The following KIAA1549 variants were observed in gnomAD, a reference collection of about 807,000 sequenced individuals.
KIAA1549 encodes the protein UPF0606 protein KIAA1549.
KIAA1549 carries 70 observed loss-of-function variants against 156.4 expected under a neutral mutation model. The observed-to-expected ratio is 0.45, with a 90% confidence interval of 0.37 to 0.55. KIAA1549 has a LOEUF of 0.55. KIAA1549 is among the 20% of genes least tolerant of loss of function. The pLI is 0.00. For missense variants in KIAA1549, 2,428 were observed against 2,540.9 expected (o/e 0.96, Z 0.96); for synonymous variants, 1,103 against 1,066.4 (o/e 1.03, Z -0.67).
At chr7:138,976,557 T>A (rs999910764) in intron 1 of KIAA1549, among the ~76,000 whole-genome samples, 28 of 152,146 alleles carry the variant, frequency 1.8e-4, no homozygotes, top group Non-Finnish European at 1.8e-4. Flanking sequence ...TTAGAACTGT[T>A]CTGTTTTGTT....
chr7:138,972,682 C>T (rs1387804919), intron 1 of KIAA1549, among the ~76,000 whole-genome samples: 1 of 152,102 alleles, frequency 6.6e-6, no homozygotes, highest in Non-Finnish European at 1.5e-5. Flanking sequence ...CCAGTCCCTC[C>T]GATTCCTTCT....
chr7:138,838,257 G>T, intron 19 of KIAA1549, 97 bp from the exon 20 acceptor site: 1 of 1,285,396 alleles, frequency 7.8e-7, no homozygotes, highest in Non-Finnish European at 1.0e-6. Flanking sequence ...GACTGCCCAC[G>T]TCCATCCACC....
rs1299905066 is a variant in KIAA1549, at chr7:138,917,657, G to C, written c.1969C>G (p.Pro657Ala). Residue 657 changes from proline (P) to alanine (A), a missense_variant, in exon 2 of 20, where the codon CCC (proline) becomes GCC (alanine). Physicochemically the swap from Pro to Ala is conservative, Grantham distance 27. Transcript: ENST00000422774. ...SLSLMPSDLS[P>A]FTSQSFSPLV... ...GGAGAAAAAGACTGAGATGTGAAGG[G>C]GGACAAGTCACTCGGCATCAGAGAC... 1.9e-6 allele frequency: 3 copies of C among 1,612,892 alleles called. No individual in the cohort carries two copies. In the African/African-American group the frequency reaches 4.0e-5, roughly 22 times the overall value.
intron 15 of KIAA1549, among the ~76,000 whole-genome samples, chr7:138,862,542 G>A (rs1373165161): frequency 1.3e-5 from 2 of 150,100 alleles, no homozygotes; most frequent in East Asian, 3.9e-4. Context: ...AAAAGCCTAC[G>A]TATGTGTGCA....
chr7:138,957,937 A>T (rs1437395209), intron 1 of KIAA1549, among the ~76,000 whole-genome samples: 1 of 152,016 alleles, frequency 6.6e-6, no homozygotes, highest in African/African-American at 2.4e-5. Flanking sequence ...GTGCATACTC[A>T]TGAGTCAGTG....
chr7:138,981,172 G>C lies in KIAA1549; in HGVS notation c.98C>G (p.Ser33Cys), dbSNP rs1814538010. The change falls in exon 1 of 20, where the codon TCC becomes TGC. Residue 33 changes from serine to cysteine, a missense_variant. Ser to Cys is a moderately radical substitution (Grantham distance 112, BLOSUM62 -1). Transcript: ENST00000422774. The surrounding 1 kb of genome is among the most constrained non-coding windows in gnomAD (Gnocchi z 4.5). ...GCGGCGGCGGCGGGCGCAGCGGGCG[G>C]AAGGCCGTCGGCCGCTCGGCCCCGG... ...LAPGPSGRRP[S>C]ARCARRRRPG... is the part of the protein sequence containing the mutation. The C allele has an allele frequency of 2.0e-5, 23 of 1,158,544 alleles. No homozygotes were observed. Among genetic ancestry groups the C allele is most frequent in the Non-Finnish European group, 2.4e-5 (23 of 941,138 alleles). 71.8% of individuals were successfully genotyped at this position (1,158,544 alleles called of 1,614,324 possible).
At chr7:138,873,246 T>C (rs1189740957) in intron 12 of KIAA1549, among the ~76,000 whole-genome samples, 2 of 152,212 alleles carry the variant, frequency 1.3e-5, no homozygotes, top group African/African-American at 4.8e-5. Flanking sequence ...TGATTCTGAA[T>C]GAATGATGTC....
At chr7:138,855,347 A>G (rs1029235624) in intron 16 of KIAA1549, among the ~76,000 whole-genome samples, 1 of 152,008 alleles carries the variant, frequency 6.6e-6, no homozygotes, top group Admixed American at 6.5e-5. Flanking sequence ...AGTGAACCAC[A>G]TTTTACCTAT....
intron 10 of KIAA1549, among the ~76,000 whole-genome samples, chr7:138,889,565 T>C (rs1811492514): frequency 1.3e-5 from 2 of 152,232 alleles, no homozygotes; most frequent in Admixed American, 1.3e-4. Context: ...GATGACCAGA[T>C]GAATTTCAAA....
chr7:138,921,256 A>C (rs116759176), intron 1 of KIAA1549, among the ~76,000 whole-genome samples: 88 of 152,344 alleles, frequency 5.8e-4, no homozygotes, highest in African/African-American at 2.0e-3. Context: ...GTCTGACTTG[A>C]GAACACCTTG....
intron 15 of KIAA1549, 145 bp from the exon 16 acceptor site, chr7:138,861,601 C>T: frequency 1.4e-6 from 1 of 721,814 alleles, no homozygotes; most frequent in Non-Finnish European, 2.3e-6. Flanking sequence ...ACCTTTAATT[C>T]CAGGATTTGG....
chr7:138,936,733 C>A (rs555247094), intron 1 of KIAA1549, among the ~76,000 whole-genome samples: 10 of 142,658 alleles, frequency 7.0e-5, no homozygotes, highest in Non-Finnish European at 1.5e-5. Context: ...TGACCCCCCC[C>A]ACCCCCACAC....
intron 7 of KIAA1549, among the ~76,000 whole-genome samples, chr7:138,904,296 T>G (rs569711167): frequency 3.9e-5 from 6 of 152,304 alleles, no homozygotes; most frequent in Admixed American, 2.6e-4. Context: ...CTGGTTTAAG[T>G]TTTCTTTGAG....
intron 1 of KIAA1549, among the ~76,000 whole-genome samples, chr7:138,932,350 G>A (rs1029276266): frequency 1.3e-5 from 2 of 152,098 alleles, no homozygotes; most frequent in African/African-American, 4.8e-5. Flanking sequence ...TACTAGGAAT[G>A]CAGCCCACTG....
rs1213751426 is a variant in KIAA1549, at chr7:138,832,924, G to A, written c.*4982C>T. The A allele has an allele frequency of 4.3e-6, 1 of 230,596 alleles. No individual in the cohort carries two copies. Among genetic ancestry groups the A allele is most frequent in the Non-Finnish European group, 8.6e-6 (1 of 116,530 alleles). 14.3% of individuals were successfully genotyped at this position (230,596 alleles called of 1,614,324 possible). Reference sequence around the variant, plus strand: ...AACAAGTGTTAAGTCTATCATAGTTGATGAGTATGTTACAGCAGCTGCTCA... The same window carrying A: ...AACAAGTGTTAAGTCTATCATAGTTAATGAGTATGTTACAGCAGCTGCTCA... On this transcript the variant is annotated 3_prime_UTR_variant, in exon 20 of 20. Transcript: ENST00000422774.
At chr7:138,888,134 C>T (rs377262411) in intron 10 of KIAA1549, among the ~76,000 whole-genome samples, 86 of 152,338 alleles carry the variant, frequency 5.6e-4, no homozygotes, top group African/African-American at 1.9e-3. Context: ...ATATGCTTTC[C>T]GTGAGCTCAC....
At chr7:138,893,824 A>G (rs1196981141) in intron 10 of KIAA1549, among the ~76,000 whole-genome samples, 1 of 152,254 alleles carries the variant, frequency 6.6e-6, no homozygotes, top group Admixed American at 6.5e-5. Flanking sequence ...TAATCCCAGC[A>G]CTTCGGGAGG....
In KIAA1549 at chr7:138,869,701, G is replaced by C; in HGVS notation, c.4612C>G (p.Arg1538Gly). The C allele has an allele frequency of 1.2e-6, 2 of 1,612,194 alleles. No individual in the cohort carries two copies. Among genetic ancestry groups the C allele is most frequent in the Non-Finnish European group, 8.5e-7 (1 of 1,179,848 alleles). ...TCGTAGTGCCCGCGGCGCTTGGCGCGCAGGCGGATCTTGTTGCGATGGTGC... is the reference window on the plus strand; with the variant it reads ...TCGTAGTGCCCGCGGCGCTTGGCGCCCAGGCGGATCTTGTTGCGATGGTGC... ...IEHHRNKIRL[R>G]AKRRGHYEFP... Residue 1538 changes from arginine (R) to glycine (G), a missense_variant, in exon 14 of 20, where the codon CGC becomes GGC. Physicochemically the swap from Arg to Gly is moderately radical, Grantham distance 125. Around this residue, in one of 5 missense-constraint regions of KIAA1549, gnomAD observed 404 missense variants for 417.0 expected, o/e 0.97. Coordinates refer to ENST00000422774, the MANE Select transcript of KIAA1549 (RefSeq NM_001164665.2).
rs764544349 is a variant in KIAA1549, at chr7:138,918,395, G to A, written c.1231C>T (p.Pro411Ser). 5.0e-6 allele frequency: 8 copies of A among 1,613,972 alleles called. No individual in the cohort carries two copies. The highest frequency in any genetic ancestry group is 6.8e-6 in the Non-Finnish European group (8 of 1,179,898). ...GTGTATGGTCTGAATGAGGACACCG[G>A]GCTCAGGATATGAGTGTTGTCCACA... ...GPVDNTHILS[P>S]VSSFRPYTWC... Residue 411 changes from proline (P) to serine (S), a missense_variant, in exon 2 of 20, where the codon CCG (proline) becomes TCG (serine). By Grantham distance (74) the Pro-to-Ser change is moderately conservative. Around this residue, in one of 5 missense-constraint regions of KIAA1549, gnomAD observed 893 missense variants for 847.9 expected, o/e 1.05. Coordinates refer to ENST00000422774, the MANE Select transcript of KIAA1549 (RefSeq NM_001164665.2). The surrounding 1 kb of genome is among the most constrained non-coding windows in gnomAD (Gnocchi z 4.2).
Sources: allele counts gnomAD v4.1 joint callset (sites outside exome capture counted in the v4.1 genomes callset), GRCh38; gene constraint gnomAD v4.1.1; regional missense constraint gnomAD v4.1.1; non-coding constraint Gnocchi (gnomAD v3.1); transcripts MANE v1.5; gene names NCBI Gene and HGNC (gene_info 2026-07-23, HGNC 2026-07-21).